Variants in OTX2 observed in about 807,000 individuals in gnomAD.
OTX2 encodes orthodenticle homeobox 2.
OTX2 carries 4 observed loss-of-function variants against 29.0 expected under a neutral mutation model. The ratio of observed to expected loss-of-function variants is 0.14; its 90% CI spans 0.07 to 0.32. The LOEUF (loss-of-function observed/expected upper bound fraction) is 0.32, where lower values mean the gene tolerates loss of function less well. Ranked by LOEUF, OTX2 falls within the 10% of genes least tolerant of loss-of-function variation. The pLI is 1.00. For synonymous variants in OTX2, 134 were observed against 141.0 expected, an observed-to-expected ratio of 0.95 and a Z score of 0.35; for missense variants, 298 against 365.9, an observed-to-expected ratio of 0.81 and a Z score of 1.51.
rs1892055368 is a variant in OTX2 at position 56,805,495 on chromosome 14, G to A, written c.-39C>T. On this transcript the variant is annotated 5_prime_UTR_variant, in exon 3 of 5. Transcript: ENST00000672264. ...GGAGGTGCAAAGTCGGCCCAAATCG[G>A]GGGTACCCAGCTGGAAGATCTTGAT... 1 of 1,401,370 alleles carries A rather than the reference G, an allele frequency of 7.1e-7. No homozygotes were observed. The highest frequency in any genetic ancestry group is 1.4e-5 in the African/African-American group (1 of 70,690). The allele number at this position is 1,401,370 out of a possible 1,614,324, so 86.8% of individuals were successfully genotyped here.
At chr14:56,808,445 A>G (rs571962076) in intron 2 of OTX2, among the ~76,000 whole-genome samples, 4 of 151,794 alleles carry the variant, frequency 2.6e-5, no homozygotes, top group South Asian at 2.1e-4. Context: ...TCTCCGGCGA[A>G]CTCGAGTGAA....
chr14:56,804,058 G>T lies in OTX2; in HGVS notation c.273+130C>A. ...AGGGCAGAAGGAGAATAGTTTCCTG[G>T]CCCCTTAGTGAGTGAAGGAGAATTT... On this transcript the variant is annotated intron_variant, in intron 4 of 4. Transcript: ENST00000672264. The surrounding 1 kb of genome is among the most constrained non-coding windows in gnomAD (Gnocchi z 4.1). 9.2e-7 allele frequency: 1 copy of T among 1,084,088 alleles called. No individual in the cohort carries two copies. 67.2% of individuals were successfully genotyped at this position (1,084,088 alleles called of 1,614,324 possible). A position where few individuals can be genotyped will look rare whatever the true frequency, so the allele number is the denominator to read the frequency against.
rs1307179598 is a variant in OTX2, at chr14:56,804,004, G to A, written c.273+184C>T. 6.6e-6 allele frequency among the ~76,000 whole-genome samples: 1 copy of A among 152,168 alleles called. No individual in the cohort carries two copies. The highest frequency in any genetic ancestry group is 1.5e-5 in the Non-Finnish European group (1 of 68,038). ...CCGGGCCTTGAAGACCCTTGCTTAC[G>A]GGATTAAGTGGTGACGGGCAGGCAA... On this transcript the variant is annotated intron_variant, in intron 4 of 4. Transcript: ENST00000672264. The surrounding 1 kb of genome is among the most constrained non-coding windows in gnomAD (Gnocchi z 4.1).
chr14:56,805,766 G>T, intron 2 of OTX2, 191 bp from the exon 3 acceptor site: 1 of 303,702 alleles, frequency 3.3e-6, no homozygotes, highest in Non-Finnish European at 6.0e-6. Context: ...TAGAGGGGAT[G>T]GAAGGAGACC....
rs1838645866 is a variant in OTX2 at position 56,800,107 on chromosome 14, C to G, written c.*1628G>C. The G allele has an allele frequency of 6.6e-6, 1 of 152,054 alleles. No homozygotes were observed. Among genetic ancestry groups the G allele is most frequent in the Non-Finnish European group, 1.5e-5 (1 of 68,002 alleles). The allele number at this position is 152,054 out of a possible 1,614,324, so 9.4% of individuals were successfully genotyped here. On this transcript the variant is annotated 3_prime_UTR_variant, in exon 5 of 5. Transcript: ENST00000672264. ...CTGAAAAGGGACCCATTTTTTCCCCCTCGGCACTTTCTTAAACACATACAC... is the reference window on the plus strand; with the variant it reads ...CTGAAAAGGGACCCATTTTTTCCCCGTCGGCACTTTCTTAAACACATACAC...
intron 2 of OTX2, 99 bp from the exon 3 acceptor site, chr14:56,805,674 T>C (rs1892064584): frequency 1.8e-6 from 1 of 555,466 alleles, no homozygotes; most frequent in African/African-American, 1.9e-5. Flanking sequence ...GAGCACGGAC[T>C]AGGCGAGGCA....
rs890478785 is a variant in OTX2 at position 56,804,490 on chromosome 14, C to T, written c.98-127G>A. ...TCAGCCGGGAGCCTACCAATGCTCT[C>T]CCCACCGTCTCCCCAGCCTTGCTCC... On this transcript the variant is annotated intron_variant, in intron 3 of 4. Coordinates refer to ENST00000672264, the MANE Select transcript of OTX2 (RefSeq NM_021728.4). The surrounding 1 kb of genome is among the most constrained non-coding windows in gnomAD (Gnocchi z 4.1). 1.2e-6 allele frequency: 1 copy of T among 860,072 alleles called. No homozygotes were observed. Among genetic ancestry groups the T allele is most frequent in the African/African-American group, 1.7e-5 (1 of 58,792 alleles). The allele number at this position is 860,072 out of a possible 1,614,324, so 53.3% of individuals were successfully genotyped here. A position where few individuals can be genotyped will look rare whatever the true frequency, so the allele number is the denominator to read the frequency against.
At chr14:56,808,946 C>T (rs1280271885) in intron 2 of OTX2, among the ~76,000 whole-genome samples, 1 of 152,168 alleles carries the variant, frequency 6.6e-6, no homozygotes, top group East Asian at 1.9e-4. Context: ...TGGGAGTTTG[C>T]AGAGCGACCC....
intron 3 of OTX2, 33 bp downstream of exon 3, chr14:56,805,327 G>A (rs750822174): frequency 4.9e-6 from 7 of 1,423,964 alleles, no homozygotes; most frequent in Non-Finnish European, 7.0e-6. Context: ...GCATGGGGAA[G>A]AGGGGTGCGG....
In OTX2 at chr14:56,802,281, C is replaced by T. The variant is rs1891920265; in HGVS notation, c.348G>A (p.Val116=). 5 of 1,614,174 alleles carry T rather than the reference C, an allele frequency of 3.1e-6. No homozygotes were observed. Among genetic ancestry groups the T allele is most frequent in the Non-Finnish European group, 3.4e-6 (4 of 1,180,044 alleles). ...QQQQNGGQNK[V]RPAKKKTSPA... ...GAGATGTCTTCTTTTTGGCAGGTCTCACTTTGTTTTGACCTCCATTCTGCT... is the reference window on the plus strand; with the variant it reads ...GAGATGTCTTCTTTTTGGCAGGTCTTACTTTGTTTTGACCTCCATTCTGCT... The change falls in exon 5 of 5, where the codon GTG becomes GTA. Residue 116 remains valine, a synonymous_variant. Transcript: ENST00000672264. The surrounding 1 kb of genome is among the most constrained non-coding windows in gnomAD (Gnocchi z 4.4).
chr14:56,807,965 TGCCCGGCA>T (rs1391849156), intron 2 of OTX2, among the ~76,000 whole-genome samples: 4 of 150,812 alleles, frequency 2.7e-5, no homozygotes, highest in Non-Finnish European at 5.9e-5. Flanking sequence ...CCCGCGTTCC[TGCCCGGCA>T]GCCCCGCAGC....
intron 3 of OTX2, 86 bp downstream of exon 3, chr14:56,805,274 C>T (rs1482876311): frequency 9.8e-6 from 9 of 913,910 alleles, no homozygotes; most frequent in South Asian, 9.6e-5. Context: ...ACTGCCAACC[C>T]CCGTGTTCCA....
At position 56,801,161 on chromosome 14, in the gene OTX2, GAC is replaced by G. The variant is rs886050558; in HGVS notation, c.*572_*573del. 14 of 171,748 alleles carry G rather than the reference GAC, an allele frequency of 8.2e-5. No individual in the cohort carries two copies. In the South Asian group the frequency reaches 1.8e-3, roughly 22 times the overall value. The allele number at this position is 171,748 out of a possible 1,614,324, so 10.6% of individuals were successfully genotyped here. ...AAAACCACAGATGTACCATTTATAA[GAC>G]ACACACTGATTGTCTCTTAAACTAC... On this transcript the variant is annotated 3_prime_UTR_variant, in exon 5 of 5. Coordinates refer to ENST00000672264, the MANE Select transcript of OTX2 (RefSeq NM_021728.4). The surrounding 1 kb of genome is among the most constrained non-coding windows in gnomAD (Gnocchi z 4.2).
Position 56,804,027 on chromosome 14 carries a change from CA to C in OTX2, c.273+160del, listed in dbSNP as rs1314442419. Among the ~76,000 whole-genome samples, 1 of 151,588 alleles carries C rather than the reference CA, an allele frequency of 6.6e-6. No individual in the cohort carries two copies. Among genetic ancestry groups the C allele is most frequent in the Non-Finnish European group, 1.5e-5 (1 of 67,830 alleles). ...ACGGGATTAAGTGGTGACGGGCAGG[CA>C]AAAAAGGGCAGAAGGAGAATAGTTT... is the stretch of plus-strand genomic sequence containing the variant. On this transcript the variant is annotated intron_variant, in intron 4 of 4. Coordinates refer to ENST00000672264, the MANE Select transcript of OTX2 (RefSeq NM_021728.4). This position sits in a 1 kb window ranked among gnomAD's most constrained non-coding sequence, Gnocchi z 4.1.
rs1280417502 is a variant in OTX2, at chr14:56,799,961, G to A, written c.*1774C>T. On this transcript the variant is annotated 3_prime_UTR_variant, in exon 5 of 5. Transcript: ENST00000672264. ...TTACAATCAAGAGTCACTTAATTTT[G>A]GTCAGCTGTAAGAGCTTAAGCAGCT... 1 of 152,102 alleles carries A rather than the reference G, an allele frequency of 6.6e-6. No homozygotes were observed. The highest frequency in any genetic ancestry group is 1.5e-5 in the Non-Finnish European group (1 of 68,028). The allele number at this position is 152,102 out of a possible 1,614,324, so 9.4% of individuals were successfully genotyped here.
chr14:56,804,471 G>A lies in OTX2; in HGVS notation c.98-108C>T. ...CCCCGTTCCTCACAGCCCTTCAGCCGGGAGCCTACCAATGCTCTCCCCACC... is the reference window on the plus strand; with the variant it reads ...CCCCGTTCCTCACAGCCCTTCAGCCAGGAGCCTACCAATGCTCTCCCCACC... On this transcript the variant is annotated intron_variant, in intron 3 of 4. Transcript: ENST00000672264. This position sits in a 1 kb window ranked among gnomAD's most constrained non-coding sequence, Gnocchi z 4.1. 2 of 1,105,698 alleles carry A rather than the reference G, an allele frequency of 1.8e-6. No homozygotes were observed. Among genetic ancestry groups the A allele is most frequent in the East Asian group, 2.6e-5 (1 of 38,840 alleles). 68.5% of individuals were successfully genotyped at this position (1,105,698 alleles called of 1,614,324 possible). A position where few individuals can be genotyped will look rare whatever the true frequency, so the allele number is the denominator to read the frequency against.
intron 2 of OTX2, 136 bp from the exon 3 acceptor site, chr14:56,805,711 T>TCCCCCCCCC (rs1167805843): frequency 2.3e-6 from 1 of 430,584 alleles, no homozygotes; most frequent in Non-Finnish European, 4.2e-6. Context: ...TTGCAGACAC[T>TCCCCCCCCC]CCCCCCACCC....
chr14:56,809,684 TTTA>T (rs1399358516), intron 2 of OTX2, among the ~76,000 whole-genome samples: 4 of 152,214 alleles, frequency 2.6e-5, no homozygotes, highest in African/African-American at 9.6e-5. Flanking sequence ...CGCCTGGCTT[TTTA>T]TTATTGTTGT....
chr14:56,807,514 A>G lies in OTX2; in HGVS notation c.-119-1939T>C, dbSNP rs574171884. 1.7e-4 allele frequency among the ~76,000 whole-genome samples: 26 copies of G among 152,310 alleles called. No individual in the cohort carries two copies. The South Asian group carries it at 3.5e-3, about 21-fold the overall frequency. On this transcript the variant is annotated intron_variant, in intron 2 of 4. Transcript: ENST00000672264. ...AGAAATGCCTGACACATCATACAATAAAGTAGCACATTCCAACATAAAAAG... is the reference window on the plus strand; with the variant it reads ...AGAAATGCCTGACACATCATACAATGAAGTAGCACATTCCAACATAAAAAG...
Sources: gnomAD v4.1 joint callset for allele counts (sites outside exome capture counted in the v4.1 genomes callset) on GRCh38, gnomAD v4.1.1 for gene constraint, Gnocchi (gnomAD v3.1) non-coding constraint, MANE v1.5 for transcripts, NCBI Gene and HGNC (gene_info 2026-07-23, HGNC 2026-07-21) for gene names.